The following NRCAM variants were observed in gnomAD, a reference collection of about 807,000 sequenced individuals.
NRCAM encodes NgCAM-related cell adhesion molecule.
A neutral mutation model predicts 156.5 loss-of-function variants in NRCAM; 83 were observed. The observed-to-expected ratio is 0.53, with a 90% CI of 0.44 to 0.64. NRCAM has a LOEUF of 0.64. Among genes scored for constraint, NRCAM ranks in the 30% least tolerant of loss-of-function variants. The probability of loss-of-function intolerance (pLI) is 0.00; values close to 1 mark genes in which losing one functional copy is unlikely to be tolerated. For synonymous variants in NRCAM, 538 were observed against 563.9 expected, an observed-to-expected ratio of 0.95 and a Z score of 0.65; for missense variants, 1,417 against 1,597.3, an observed-to-expected ratio of 0.89 and a Z score of 1.92.
chr7:108,288,172 T>C (rs1341278336), intron 3 of NRCAM, among the ~76,000 whole-genome samples: 1 of 152,074 alleles, frequency 6.6e-6, no homozygotes, highest in Admixed American at 6.6e-5. Context: ...TACTTTCAAG[T>C]AGGAGCTAAA....
intron 3 of NRCAM, among the ~76,000 whole-genome samples, chr7:108,249,445 T>A (rs1318388544): frequency 1.3e-5 from 2 of 152,218 alleles, no homozygotes; most frequent in Admixed American, 1.3e-4. Flanking sequence ...AGCAGAGTAA[T>A]GCATGAAATA....
chr7:108,381,686 A>T (rs2099702179), intron 2 of NRCAM, among the ~76,000 whole-genome samples: 1 of 151,738 alleles, frequency 6.6e-6, no homozygotes, highest in African/African-American at 2.4e-5. Context: ...CAGGCTCCCA[A>T]GTAGCTGAGA....
chr7:108,451,350 G>A (rs766892293), intron 1 of NRCAM, among the ~76,000 whole-genome samples: 11 of 152,046 alleles, frequency 7.2e-5, no homozygotes, highest in Admixed American at 2.0e-4. Flanking sequence ...GAACCCCTGC[G>A]CATTGTTGGC....
At chr7:108,227,630 CTT>C (rs1491368095) in intron 8 of NRCAM, among the ~76,000 whole-genome samples, 1 of 152,134 alleles carries the variant, frequency 6.6e-6, no homozygotes, top group African/African-American at 2.4e-5. Flanking sequence ...TGAGTTCACA[CTT>C]AGCCAGCTAA....
chr7:108,257,927 TC>T (rs1339159828), intron 3 of NRCAM, among the ~76,000 whole-genome samples: 1 of 152,208 alleles, frequency 6.6e-6, no homozygotes, highest in Middle Eastern at 3.4e-3. Context: ...CACTGCCTCC[TC>T]TTTGTCTCCA....
intron 3 of NRCAM, among the ~76,000 whole-genome samples, chr7:108,258,202 T>C (rs1359740224): frequency 6.6e-6 from 1 of 152,144 alleles, no homozygotes; most frequent in Non-Finnish European, 1.5e-5. Context: ...CGAAACATGC[T>C]CCAGGTTGTC....
Position 108,201,587 on chromosome 7 carries a change from A to G in NRCAM, c.1208-3488T>C, listed in dbSNP as rs993172594. ...TTTGTTATGTGTTTTTACCACAATA[A>G]TAATAATAATGTTACACGACCATGA... On this transcript the variant is annotated intron_variant, in intron 13 of 32. Coordinates refer to ENST00000379028, the MANE Select transcript of NRCAM (RefSeq NM_001037132.4). Among the ~76,000 whole-genome samples, 4 of 152,186 alleles carry G rather than the reference A, an allele frequency of 2.6e-5. No individual in the cohort carries two copies. In the East Asian group the frequency reaches 5.8e-4, roughly 22 times the overall value.
rs1210257252 is a variant in NRCAM, at chr7:108,323,620, A to G, written c.-173-10889T>C. On this transcript the variant is annotated intron_variant, in intron 2 of 32. Coordinates refer to ENST00000379028, the MANE Select transcript of NRCAM (RefSeq NM_001037132.4). ...GGCAAATAGTTTCTGAGTACTTAGT[A>G]TGTACCAGACACTGTCCCAGGTGCT... Among the ~76,000 whole-genome samples, 7 of 152,210 alleles carry G rather than the reference A, an allele frequency of 4.6e-5. No individual in the cohort carries two copies. In the East Asian group the frequency reaches 1.2e-3, roughly 25 times the overall value.
intron 19 of NRCAM, 134 bp downstream of exon 19, chr7:108,191,120 C>T: frequency 1.6e-6 from 1 of 630,784 alleles, no homozygotes; most frequent in Non-Finnish European, 2.6e-6. Flanking sequence ...ATGGGTGACA[C>T]AACATAACAA....
intron 3 of NRCAM, among the ~76,000 whole-genome samples, chr7:108,283,908 C>T (rs1006133635): frequency 1.3e-5 from 2 of 152,006 alleles, no homozygotes; most frequent in African/African-American, 2.4e-5. Flanking sequence ...TGCAGTGGTG[C>T]GATCTTGGCT....
intron 3 of NRCAM, among the ~76,000 whole-genome samples, chr7:108,274,457 C>T (rs1487812217): frequency 6.6e-6 from 1 of 152,120 alleles, no homozygotes; most frequent in Non-Finnish European, 1.5e-5. Context: ...TCCTTCACTA[C>T]TCTTGTAAGT....
intron 2 of NRCAM, among the ~76,000 whole-genome samples, chr7:108,357,438 A>G (rs535765805): frequency 4.0e-4 from 60 of 151,810 alleles, no homozygotes; most frequent in Non-Finnish European, 7.6e-4. Context: ...GGTTCAAGCA[A>G]TTCTGCTTCA....
intron 1 of NRCAM, among the ~76,000 whole-genome samples, chr7:108,402,805 G>T (rs1055323774): frequency 6.6e-6 from 1 of 152,214 alleles, no homozygotes; most frequent in African/African-American, 2.4e-5. Context: ...GCTGGTGGAT[G>T]ACCCAGGAGG....
At chr7:108,422,033 T>C (rs1810655891) in intron 1 of NRCAM, among the ~76,000 whole-genome samples, 1 of 152,158 alleles carries the variant, frequency 6.6e-6, no homozygotes, top group Non-Finnish European at 1.5e-5. Flanking sequence ...CTATTGGAAG[T>C]GGGGATTCCA....
chr7:108,184,710 C>T, intron 20 of NRCAM, 96 bp from the exon 21 acceptor site: 1 of 911,714 alleles, frequency 1.1e-6, no homozygotes, highest in Non-Finnish European at 1.6e-6. Flanking sequence ...CCAACACAAG[C>T]AACCAAACAT....
chr7:108,366,759 T>A (rs2099594081), intron 2 of NRCAM, among the ~76,000 whole-genome samples: 2 of 152,192 alleles, frequency 1.3e-5, no homozygotes, highest in Non-Finnish European at 2.9e-5. Flanking sequence ...AAGCTAATTG[T>A]CCAAGATTGT....
At chr7:108,451,347 T>C (rs1267446207) in intron 1 of NRCAM, among the ~76,000 whole-genome samples, 1 of 152,108 alleles carries the variant, frequency 6.6e-6, no homozygotes, top group African/African-American at 2.4e-5. Context: ...CTGGAACCCC[T>C]GCGCATTGTT....
intron 14 of NRCAM, among the ~76,000 whole-genome samples, chr7:108,197,203 CA>C (rs2153482726): frequency 1.3e-5 from 2 of 152,232 alleles, no homozygotes; most frequent in South Asian, 4.1e-4. Context: ...AATCAGCAGC[CA>C]AAAGTGCTTT....
At chr7:108,433,738 G>C (rs1223223632) in intron 1 of NRCAM, among the ~76,000 whole-genome samples, 1 of 152,150 alleles carries the variant, frequency 6.6e-6, no homozygotes, top group Non-Finnish European at 1.5e-5. Flanking sequence ...AAGCAGTCAA[G>C]GCCCTCACCT....
Sources: gnomAD v4.1 joint callset for allele counts (sites outside exome capture counted in the v4.1 genomes callset) on GRCh38, gnomAD v4.1.1 for gene constraint, MANE v1.5 for transcripts, NCBI Gene and HGNC (gene_info 2026-07-23, HGNC 2026-07-21) for gene names.